The following SRGAP2C variants were observed in gnomAD, a reference collection of about 807,000 sequenced individuals.
The protein encoded by SRGAP2C is SLIT-ROBO Rho GTPase-activating protein 2C.
A neutral mutation model predicts 25.1 loss-of-function variants in SRGAP2C; 15 were observed. The observed-to-expected ratio is 0.60, with a 90% CI of 0.40 to 0.92. The LOEUF is 0.92. Among genes scored for constraint, SRGAP2C ranks in the 40% least tolerant of loss-of-function variants. The pLI is 0.00. For synonymous variants in SRGAP2C, 44 were observed against 96.6 expected (o/e 0.46, Z 3.19); for missense variants, 144 against 264.4 (o/e 0.54, Z 3.16).
At chr1:121,257,349 C>T (rs1553332701) in intron 2 of SRGAP2C, among the ~76,000 whole-genome samples, 1 of 150,076 alleles carries the variant, frequency 6.7e-6, no homozygotes, top group East Asian at 2.0e-4. Flanking sequence ...CTCTTGACCT[C>T]GTGATCCACC....
rs61806691 is a variant in SRGAP2C at position 121,374,872 on chromosome 1, A to G, written c.749A>G (p.Gln250Arg). 3.5e-5 allele frequency: 27 copies of G among 779,564 alleles called. No individual in the cohort carries two copies. Among genetic ancestry groups the G allele is most frequent in the Admixed American group, 1.0e-4 (6 of 58,798 alleles). 48.3% of individuals were successfully genotyped at this position (779,564 alleles called of 1,614,324 possible). Residue 250 changes from glutamine (Q) to arginine (R), a missense_variant, in exon 7 of 10, where the codon CAG (glutamine) becomes CGG (arginine). By Grantham distance (43) the Gln-to-Arg change is conservative. This residue lies in a region of SRGAP2C where 34 missense variants were observed against 23.0 expected (regional missense o/e 1.48). Coordinates refer to ENST00000367123, the MANE Select transcript of SRGAP2C (RefSeq NM_001329984.2). ...AATAAGCTGAAGGCCATCAAAGCCC[A>G]GAATGAGTACTTGCTGGCTTTGGAG... ...TENKLKAIKA[Q>R]NEYLLALEAT...
At chr1:121,314,804 C>G (rs1386140302) in intron 3 of SRGAP2C, 1 of 448,484 alleles carries the variant, frequency 2.2e-6, no homozygotes, top group African/African-American at 2.0e-5. Flanking sequence ...CAGCTGCCTG[C>G]TGGGAGAACC....
intron 4 of SRGAP2C, among the ~76,000 whole-genome samples, chr1:121,350,708 C>T (rs1373869541): frequency 9.2e-5 from 14 of 152,092 alleles, no homozygotes; most frequent in South Asian, 2.1e-4. Context: ...TTACATATGA[C>T]ACCAAAGCAC....
At chr1:121,208,321 G>T (rs1481302244) in intron 2 of SRGAP2C, among the ~76,000 whole-genome samples, 1 of 151,796 alleles carries the variant, frequency 6.6e-6, no homozygotes, top group African/African-American at 2.4e-5. Flanking sequence ...AACCCCTTTT[G>T]CACCGCCCCA....
chr1:121,295,737 G>T lies in SRGAP2C; in HGVS notation c.260+10742G>T, dbSNP rs1280082493. 8.7e-3 allele frequency among the ~76,000 whole-genome samples: 1,154 copies of T among 132,108 alleles called. 13 individuals are homozygous for T. The highest frequency in any genetic ancestry group is 0.039 in the African/African-American group (1,105 of 28,056). 86.7% of individuals were successfully genotyped at this position (132,108 alleles called of 152,430 possible). On this transcript the variant is annotated intron_variant, in intron 3 of 9. Transcript: ENST00000367123. ...AATAGAGAGGGGCTTTTTTGTTTTT[G>T]TTGTTGTTGTTGTTGTTGTTGTTGT...
intron 3 of SRGAP2C, among the ~76,000 whole-genome samples, chr1:121,313,465 A>T (rs1268499995): frequency 2.2e-3 from 209 of 94,300 alleles, no homozygotes; most frequent in Non-Finnish European, 2.7e-3. Flanking sequence ...TGATCCTGTC[A>T]TTATGATGTT....
chr1:121,199,800 CA>C (rs1654931807), intron 2 of SRGAP2C, among the ~76,000 whole-genome samples: 1 of 145,686 alleles, frequency 6.9e-6, no homozygotes, highest in African/African-American at 2.6e-5. Flanking sequence ...GTCTCAAAAA[CA>C]AACAACAAAA....
At chr1:121,264,768 T>G (rs1220723792) in intron 2 of SRGAP2C, among the ~76,000 whole-genome samples, 2 of 142,900 alleles carry the variant, frequency 1.4e-5, no homozygotes, top group Non-Finnish European at 3.1e-5. Flanking sequence ...TACATTGCAA[T>G]TACTTCTTAT....
chr1:121,337,634 AAAATAAAT>A (rs1553342625), intron 4 of SRGAP2C, among the ~76,000 whole-genome samples: 1 of 143,212 alleles, frequency 7.0e-6, no homozygotes, highest in Admixed American at 7.0e-5. Flanking sequence ...TCCGACTCAA[AAAATAAAT>A]AAATAAATAA....
chr1:121,223,348 A>T (rs1553326015), intron 2 of SRGAP2C, among the ~76,000 whole-genome samples: 1 of 71,526 alleles, frequency 1.4e-5, no homozygotes, highest in African/African-American at 5.7e-5. Context: ...TGCTGGGAGG[A>T]GTTTGTGTGT....
intron 3 of SRGAP2C, among the ~76,000 whole-genome samples, chr1:121,298,479 G>C (rs1481665134): frequency 2.1e-5 from 2 of 97,042 alleles, no homozygotes; most frequent in Non-Finnish European, 4.1e-5. Context: ...CCTTAGTCAT[G>C]AACATAACAG....
At chr1:121,326,866 T>A (rs1658325540) in intron 4 of SRGAP2C, among the ~76,000 whole-genome samples, 1 of 84,686 alleles carries the variant, frequency 1.2e-5, no homozygotes, top group Admixed American at 1.3e-4. Context: ...AATTGCACAG[T>A]ATGTACTCTT....
At chr1:121,280,136 A>T (rs1269915366) in intron 2 of SRGAP2C, among the ~76,000 whole-genome samples, 1 of 147,488 alleles carries the variant, frequency 6.8e-6, no homozygotes, top group Non-Finnish European at 1.5e-5. Flanking sequence ...ATTTCAAAAC[A>T]GGGAGGTTTA....
rs1406171277 is a variant in SRGAP2C at position 121,223,323 on chromosome 1, A to C, written c.67+35810A>C. On this transcript the variant is annotated intron_variant, in intron 2 of 9. Coordinates refer to ENST00000367123, the MANE Select transcript of SRGAP2C (RefSeq NM_001329984.2). ...AGGTGACCCAAATGACTTTTTTATTATTATTATTTTTTAATGCTGGGAGGA... is the reference window on the plus strand; with the variant it reads ...AGGTGACCCAAATGACTTTTTTATTCTTATTATTTTTTAATGCTGGGAGGA... Among the ~76,000 whole-genome samples the C allele has an allele frequency of 3.2e-5, 4 of 124,110 alleles. No individual in the cohort carries two copies. In the Admixed American group the frequency reaches 3.3e-4, roughly 10 times the overall value. The allele number at this position is 124,110 out of a possible 152,430, so 81.4% of individuals were successfully genotyped here. A position where few individuals can be genotyped will look rare whatever the true frequency, so the allele number is the denominator to read the frequency against.
intron 3 of SRGAP2C, among the ~76,000 whole-genome samples, chr1:121,289,257 G>A (rs1237281779): frequency 4.0e-5 from 6 of 149,318 alleles, no homozygotes; most frequent in African/African-American, 1.5e-4. Context: ...CCCGCGGGAA[G>A]GCAGCTAAGG....
intron 2 of SRGAP2C, among the ~76,000 whole-genome samples, chr1:121,188,348 C>T (rs1407381912): frequency 1.3e-5 from 2 of 152,134 alleles, no homozygotes; most frequent in Non-Finnish European, 2.9e-5. Context: ...CTCATCTAGT[C>T]GACTGACTTG....
At chr1:121,267,545 G>T (rs1189596923) in intron 2 of SRGAP2C, among the ~76,000 whole-genome samples, 1 of 138,514 alleles carries the variant, frequency 7.2e-6, no homozygotes, top group Non-Finnish European at 1.6e-5. Context: ...CTGGCATCTG[G>T]ATTATGGTAG....
intron 4 of SRGAP2C, among the ~76,000 whole-genome samples, chr1:121,340,125 C>T (rs1267809758): frequency 6.6e-6 from 1 of 151,666 alleles, no homozygotes; most frequent in Admixed American, 6.6e-5. Flanking sequence ...ACTGGGCGAT[C>T]CAGTCTCCAA....
intron 2 of SRGAP2C, among the ~76,000 whole-genome samples, chr1:121,235,626 G>GTT (rs60027326): frequency 5.0e-4 from 23 of 45,692 alleles, no homozygotes; most frequent in Middle Eastern, 7.5e-3. Context: ...TGCTTTTTCT[G>GTT]TTTTTTTTTT....
Sources: allele counts gnomAD v4.1 joint callset (sites outside exome capture counted in the v4.1 genomes callset), GRCh38; gene constraint gnomAD v4.1.1; regional missense constraint gnomAD v4.1.1; transcripts MANE v1.5; gene names NCBI Gene and HGNC (gene_info 2026-07-23, HGNC 2026-07-21).